The following CCDC81 variants were observed in gnomAD, a reference collection of about 807,000 sequenced individuals.
CCDC81 encodes coiled-coil domain-containing protein 81.
CCDC81 carries 79 observed loss-of-function variants against 83.7 expected under a neutral mutation model. That is an observed-to-expected ratio of 0.94 (90% CI 0.79 to 1.14). The LOEUF is 1.14. Among genes scored for constraint, CCDC81 ranks in the 50% most tolerant of loss-of-function variants. The pLI, the probability that CCDC81 is intolerant of heterozygous loss-of-function variation, is 0.00. For missense variants in CCDC81, 791 were observed against 778.1 expected, an observed-to-expected ratio of 1.02 and a Z score of -0.20; for synonymous variants, 252 against 278.1, an observed-to-expected ratio of 0.91 and a Z score of 0.93.
rs140620552 is a variant in CCDC81 at position 86,389,373 on chromosome 11, G to A, written c.298+1701G>A. Reference sequence around the variant, plus strand: ...ATTAACTAGGTAACTGTATTAGTCTGTTCTCACACTGTTATAAATAACTAG... The same window carrying A: ...ATTAACTAGGTAACTGTATTAGTCTATTCTCACACTGTTATAAATAACTAG... On this transcript the variant is annotated intron_variant, in intron 3 of 14. Transcript: ENST00000445632. Among the ~76,000 whole-genome samples, 529 of 152,242 alleles carry A rather than the reference G, an allele frequency of 3.5e-3. 1 individual carries two copies. The highest frequency in any genetic ancestry group is 6.2e-3 in the Non-Finnish European group (424 of 68,018).
intron 1 of CCDC81, among the ~76,000 whole-genome samples, chr11:86,375,619 A>G (rs1948089245): frequency 6.6e-6 from 1 of 152,192 alleles, no homozygotes; most frequent in Admixed American, 6.5e-5. Context: ...TTGAGAGTTC[A>G]TGCAAAGACG....
chr11:86,400,639 TGAAAG>T, intron 6 of CCDC81, 34 bp from the exon 7 acceptor site: 1 of 1,567,312 alleles, frequency 6.4e-7, no homozygotes, highest in Admixed American at 1.7e-5. Context: ...GTTTGAGAGT[TGAAAG>T]GAGACTCGTT....
chr11:86,409,255 C>T lies in CCDC81; in HGVS notation c.1114-6C>T. 7.9e-7 allele frequency: 1 copy of T among 1,272,870 alleles called. No individual in the cohort carries two copies. Among genetic ancestry groups the T allele is most frequent in the Non-Finnish European group, 1.0e-6 (1 of 952,568 alleles). 78.8% of individuals were successfully genotyped at this position (1,272,870 alleles called of 1,614,324 possible). ...AAAATAAACTTTTTTTTTTTTTAAA[C>T]AATAGATGAAAAGTCTGGCTACTAG... On this transcript the variant is annotated splice_polypyrimidine_tract_variant and splice_region_variant and intron_variant, in intron 9 of 14. Coordinates refer to ENST00000445632, the MANE Select transcript of CCDC81 (RefSeq NM_001156474.2).
chr11:86,420,161 A>G (rs1035799657), intron 14 of CCDC81, 108 bp downstream of exon 14: 1 of 1,305,820 alleles, frequency 7.7e-7, no homozygotes, highest in Non-Finnish European at 1.1e-6. Flanking sequence ...AACCTTGTGG[A>G]GAAAGCAAGT....
intron 7 of CCDC81, among the ~76,000 whole-genome samples, chr11:86,404,282 G>A (rs1443601355): frequency 6.6e-6 from 1 of 152,146 alleles, no homozygotes; most frequent in Non-Finnish European, 1.5e-5. Context: ...TAAATAATCT[G>A]AAAAGGTCCT....
intron 1 of CCDC81, among the ~76,000 whole-genome samples, chr11:86,379,607 T>C (rs1222051406): frequency 1.3e-5 from 2 of 152,182 alleles, no homozygotes; most frequent in Non-Finnish European, 2.9e-5. Context: ...ATATATATGA[T>C]ATATGCATAA....
chr11:86,394,274 C>T (rs934031969), intron 4 of CCDC81, among the ~76,000 whole-genome samples: 2 of 152,154 alleles, frequency 1.3e-5, no homozygotes, highest in African/African-American at 4.8e-5. Context: ...ACATCTTTTA[C>T]AGAACGTTTT....
intron 1 of CCDC81, among the ~76,000 whole-genome samples, chr11:86,376,289 AT>A (rs1948097255): frequency 6.6e-6 from 1 of 152,218 alleles, no homozygotes; most frequent in South Asian, 2.1e-4. Flanking sequence ...GTAGTTGTAG[AT>A]TCACAGTAAA....
chr11:86,392,812 T>C lies in CCDC81; in HGVS notation c.555+15T>C, dbSNP rs1565761203. ...CCCTAGCAAATGTAAATTAATATTT[T>C]CCTTCTCCTAAGTCTTCTCCTAATT... On this transcript the variant is annotated intron_variant, in intron 4 of 14. Coordinates refer to ENST00000445632, the MANE Select transcript of CCDC81 (RefSeq NM_001156474.2). The C allele has an allele frequency of 6.5e-7, 1 of 1,545,090 alleles. No individual in the cohort carries two copies. Among genetic ancestry groups the C allele is most frequent in the Non-Finnish European group, 8.7e-7 (1 of 1,143,916 alleles).
chr11:86,408,997 C>T (rs1345831411), intron 9 of CCDC81, among the ~76,000 whole-genome samples: 1 of 152,160 alleles, frequency 6.6e-6, no homozygotes, highest in African/African-American at 2.4e-5. Context: ...TGCTGCCTGC[C>T]CTTTCCTGCA....
chr11:86,409,409 G>A (rs1305861564), intron 10 of CCDC81, 44 bp downstream of exon 10: 2 of 970,602 alleles, frequency 2.1e-6, no homozygotes, highest in Non-Finnish European at 3.1e-6. Flanking sequence ...TGGCCCATCT[G>A]TGAGCCTTTG....
intron 6 of CCDC81, 69 bp downstream of exon 6, chr11:86,397,811 C>T: frequency 1.3e-6 from 2 of 1,514,284 alleles, no homozygotes; most frequent in Non-Finnish European, 1.8e-6. Context: ...ATTGCTTAGC[C>T]CAAGGTAAAT....
chr11:86,422,870 C>A lies in CCDC81; in HGVS notation c.*155C>A, dbSNP rs1226045042. On this transcript the variant is annotated 3_prime_UTR_variant, in exon 15 of 15. Coordinates refer to ENST00000445632, the MANE Select transcript of CCDC81 (RefSeq NM_001156474.2). ...TTGCTTGTTAAGCCCTTATTGAATT[C>A]ACTCCTGCTTTCCTCCCACCCCCAA... The A allele has an allele frequency of 4.2e-6, 3 of 721,640 alleles. No individual in the cohort carries two copies. Among genetic ancestry groups the A allele is most frequent in the Non-Finnish European group, 6.7e-6 (3 of 447,254 alleles). 44.7% of individuals were successfully genotyped at this position (721,640 alleles called of 1,614,324 possible).
At chr11:86,414,971 G>C in intron 12 of CCDC81, 104 bp downstream of exon 12, 1 of 1,398,782 alleles carries the variant, frequency 7.1e-7, no homozygotes, top group South Asian at 1.3e-5. Context: ...TATGCATTTG[G>C]TAGTTTTTGT....
At chr11:86,402,407 A>G (rs1174546244) in intron 7 of CCDC81, among the ~76,000 whole-genome samples, 1 of 152,160 alleles carries the variant, frequency 6.6e-6, no homozygotes, top group African/African-American at 2.4e-5. Flanking sequence ...TGTTACATTT[A>G]ATAAGTGGTG....
At position 86,397,639 on chromosome 11, in the gene CCDC81, G is replaced by A. The variant is rs760912571; in HGVS notation, c.654G>A (p.Met218Ile). 1 of 1,612,524 alleles carries A rather than the reference G, an allele frequency of 6.2e-7. No individual in the cohort carries two copies. The highest frequency in any genetic ancestry group is 1.7e-5 in the Admixed American group (1 of 59,806). The change falls in exon 6 of 15, where the codon ATG becomes ATA. Residue 218 changes from methionine to isoleucine, a missense_variant. Transcript: ENST00000445632. ...TTCCTAGGATTGAGCTCAAGGAGAT[G>A]GAAAACAAACTGCCTATGGAGACCC... ...LAFPRIELKE[M>I]ENKLPMETLV...
At position 86,408,143 on chromosome 11, in the gene CCDC81, G is replaced by T; in HGVS notation, c.986G>T (p.Cys329Phe). Reference protein sequence around the residue: ...NKAGQEMCYVCLQRAQRNSLL... With the variant: ...NKAGQEMCYVFLQRAQRNSLL... ...GGATTGTAGGAAATGTGCTATGTAT[G>T]TTTGCAACGAGCACAACGAAATTCC... The change falls in exon 9 of 15, where the codon TGT (cysteine) becomes TTT (phenylalanine). Residue 329 changes from cysteine (C) to phenylalanine (F), a missense_variant. By Grantham distance (205) the Cys-to-Phe change is radical. Transcript: ENST00000445632. 2 of 1,612,506 alleles carry T rather than the reference G, an allele frequency of 1.2e-6. No homozygotes were observed. The highest frequency in any genetic ancestry group is 1.7e-4 in the Middle Eastern group (1 of 6,056).
At position 86,392,681 on chromosome 11, in the gene CCDC81, AC is replaced by A. The variant is rs547385737; in HGVS notation, c.440del (p.Thr147AsnfsTer9). The A allele has an allele frequency of 6.8e-5, 106 of 1,551,608 alleles. No homozygotes were observed. The highest frequency in any genetic ancestry group is 8.4e-5 in the Non-Finnish European group (96 of 1,146,980). On this transcript the variant is annotated frameshift_variant, in exon 4 of 15. Transcript: ENST00000445632. LOFTEE classifies it high-confidence loss of function. ...TTCCATGAAACAAAATGTGGAGTTT[AC>A]ATTCAAAGGAATTGGGGTCCTCATG... The part of the protein sequence containing the change: ...SISMKQNVEF[T>X]FKGIGVLMIR...
rs751097567 is a variant in CCDC81, at chr11:86,387,545, C to T, written c.171C>T (p.Phe57=). Residue 57 remains phenylalanine (F), a synonymous_variant, in exon 3 of 15, where the codon TTC becomes TTT. Coordinates refer to ENST00000445632, the MANE Select transcript of CCDC81 (RefSeq NM_001156474.2). ...KGVQIPAFGT[F]TFIRQKLEVG... is the part of the protein sequence containing the mutation. ...TTCAGATTCCAGCATTTGGAACTTT[C>T]ACTTTCATAAGACAAAAGCTTGAGG... The T allele has an allele frequency of 9.3e-6, 15 of 1,613,954 alleles. No homozygotes were observed. The East Asian group carries it at 3.3e-4, about 36-fold the overall frequency.
Sources: gnomAD v4.1 joint callset for allele counts (sites outside exome capture counted in the v4.1 genomes callset) on GRCh38, gnomAD v4.1.1 for gene constraint, MANE v1.5 for transcripts, NCBI Gene and HGNC (gene_info 2026-07-23, HGNC 2026-07-21) for gene names.